Variants in NTRK2 observed in about 807,000 individuals in gnomAD.
The protein encoded by NTRK2 is neurotrophic receptor tyrosine kinase 2, also known as BDNF/NT-3 growth factors receptor.
Under a neutral mutation model 94.5 loss-of-function variants are expected in NTRK2, and 13 were observed. The observed-to-expected ratio is 0.14, with a 90% CI of 0.09 to 0.22. The LOEUF is 0.22. Among genes scored for constraint, NTRK2 ranks in the 10% least tolerant of loss-of-function variants. NTRK2 has a pLI of 1.00. For synonymous variants in NTRK2, 372 were observed against 407.4 expected (o/e 0.91, Z 1.05); for missense variants, 639 against 1,071.2 (o/e 0.60, Z 5.63).
intron 12 of NTRK2, among the ~76,000 whole-genome samples, chr9:84,797,345 C>A (rs2133298891): frequency 6.6e-6 from 1 of 151,124 alleles, no homozygotes; most frequent in Non-Finnish European, 1.5e-5. Flanking sequence ...ATGGAATGAC[C>A]TGAAAATTTG....
intron 14 of NTRK2, chr9:84,877,829 C>G (rs957660529): frequency 4.8e-6 from 5 of 1,044,302 alleles, no homozygotes; most frequent in Admixed American, 5.6e-5. Flanking sequence ...ATCTTTTGTA[C>G]TGGAATTTGT....
chr9:84,862,211 G>A (rs2075370388), intron 13 of NTRK2, among the ~76,000 whole-genome samples: 1 of 152,166 alleles, frequency 6.6e-6, no homozygotes, highest in Non-Finnish European at 1.5e-5. Flanking sequence ...GGGCTTCTAG[G>A]CAGCTCCCTA....
intron 17 of NTRK2, among the ~76,000 whole-genome samples, chr9:84,963,466 C>G (rs1377352630): frequency 1.3e-5 from 2 of 152,188 alleles, no homozygotes; most frequent in South Asian, 2.1e-4. Context: ...CGAAGTGATA[C>G]AAAATAATTG....
chr9:84,966,261 G>C (rs1178167607), intron 17 of NTRK2, among the ~76,000 whole-genome samples: 2 of 152,188 alleles, frequency 1.3e-5, no homozygotes, highest in East Asian at 3.8e-4. Context: ...CCTAAGCTTG[G>C]TCACACATCT....
intron 12 of NTRK2, among the ~76,000 whole-genome samples, chr9:84,756,736 C>T (rs2065119959): frequency 1.3e-5 from 2 of 152,166 alleles, no homozygotes; most frequent in South Asian, 4.1e-4. Flanking sequence ...GCCTCTGATT[C>T]TTGTATGTAA....
intron 12 of NTRK2, among the ~76,000 whole-genome samples, chr9:84,754,922 C>T (rs1007704130): frequency 6.6e-6 from 1 of 152,086 alleles, no homozygotes; most frequent in Non-Finnish European, 1.5e-5. Flanking sequence ...ATGGAAAACT[C>T]GAGAATATAA....
At position 84,867,370 on chromosome 9, in the gene NTRK2, C is replaced by A. The variant is rs1399834831; in HGVS notation, c.1572C>A (p.Ile524=). 2 of 1,614,052 alleles carry A rather than the reference C, an allele frequency of 1.2e-6. No homozygotes were observed. The highest frequency in any genetic ancestry group is 1.7e-6 in the Non-Finnish European group (2 of 1,179,958). Reference sequence around the variant, plus strand: ...CTGTCATTATTGGAATGACCAAGATCCCTGTCATTGAAAATCCCCAGTACT... The same window carrying A: ...CTGTCATTATTGGAATGACCAAGATACCTGTCATTGAAAATCCCCAGTACT... ...PDAVIIGMTK[I]PVIENPQYFG... The change falls in exon 14 of 19, where the codon ATC becomes ATA. Residue 524 remains isoleucine (I), a synonymous_variant. Transcript: ENST00000277120.
intron 12 of NTRK2, among the ~76,000 whole-genome samples, chr9:84,795,948 G>T (rs993540905): frequency 6.6e-6 from 1 of 151,332 alleles, no homozygotes; most frequent in Non-Finnish European, 1.5e-5. Flanking sequence ...CTTCAAAGCT[G>T]ATTACTTTTC....
At chr9:84,978,790 G>A (rs1338191072) in intron 17 of NTRK2, among the ~76,000 whole-genome samples, 5 of 152,216 alleles carry the variant, frequency 3.3e-5, no homozygotes, top group African/African-American at 9.7e-5. Flanking sequence ...AGGGGCTAAT[G>A]CAGCTGGTGA....
chr9:85,009,407 C>T (rs535983634), intron 17 of NTRK2, among the ~76,000 whole-genome samples: 189 of 152,314 alleles, frequency 1.2e-3, no homozygotes, highest in South Asian at 3.9e-3. Flanking sequence ...CACAGGGCTA[C>T]ACTACAGTGA....
intron 12 of NTRK2, among the ~76,000 whole-genome samples, chr9:84,807,388 C>T (rs1339956534): frequency 6.6e-6 from 1 of 152,176 alleles, no homozygotes; most frequent in East Asian, 1.9e-4. Flanking sequence ...AGGCCACATC[C>T]AGTTTCTTCC....
At chr9:85,012,267 G>A (rs921312596) in intron 17 of NTRK2, among the ~76,000 whole-genome samples, 3 of 152,100 alleles carry the variant, frequency 2.0e-5, no homozygotes, top group Non-Finnish European at 4.4e-5. Context: ...AATTACAGAT[G>A]TGAGCCACTG....
chr9:84,815,005 C>T (rs375604213), intron 12 of NTRK2: 3 of 1,059,620 alleles, frequency 2.8e-6, no homozygotes, highest in East Asian at 5.1e-5. Flanking sequence ...TTTGGACAGA[C>T]CATGAATTGA....
chr9:84,711,313 C>T (rs367700406), intron 6 of NTRK2, among the ~76,000 whole-genome samples: 43 of 152,192 alleles, frequency 2.8e-4, no homozygotes, highest in African/African-American at 1.0e-3. Flanking sequence ...CGTGCTTCTC[C>T]CCATGTCTGG....
chr9:84,873,087 C>T (rs201981911), intron 14 of NTRK2: 2 of 1,064,258 alleles, frequency 1.9e-6, no homozygotes, highest in Non-Finnish European at 2.3e-6. Flanking sequence ...TCAGAGTTAC[C>T]AGAGATTATC....
intron 12 of NTRK2, chr9:84,811,429 A>C: frequency 9.4e-7 from 1 of 1,066,034 alleles, no homozygotes; most frequent in Non-Finnish European, 1.1e-6. Flanking sequence ...GAATATATGC[A>C]TATGGTGAAA....
At chr9:84,706,035 C>T (rs989374037) in intron 4 of NTRK2, among the ~76,000 whole-genome samples, 1 of 152,096 alleles carries the variant, frequency 6.6e-6, no homozygotes, top group Non-Finnish European at 1.5e-5. Context: ...GGTGATCCAA[C>T]AGCCTTAGCT....
At chr9:85,004,358 C>T (rs1830729075) in intron 17 of NTRK2, among the ~76,000 whole-genome samples, 1 of 152,110 alleles carries the variant, frequency 6.6e-6, no homozygotes, top group South Asian at 2.1e-4. Flanking sequence ...TGGGAGTATT[C>T]TTGTCTTCAT....
chr9:84,900,515 T>G (rs1016323764), intron 14 of NTRK2, among the ~76,000 whole-genome samples: 1 of 152,210 alleles, frequency 6.6e-6, no homozygotes, highest in African/African-American at 2.4e-5. Flanking sequence ...GTGGGCACAC[T>G]GAAGGGCTGG....
Sources: gnomAD v4.1 joint callset for allele counts (sites outside exome capture counted in the v4.1 genomes callset) on GRCh38, gnomAD v4.1.1 for gene constraint, MANE v1.5 for transcripts, NCBI Gene and HGNC (gene_info 2026-07-23, HGNC 2026-07-21) for gene names.